CDC42BPB: variants seen among roughly 807,000 people sequenced by gnomAD.
CDC42BPB encodes serine/threonine-protein kinase MRCK beta.
CDC42BPB carries 37 observed loss-of-function variants against 214.9 expected under a neutral mutation model. The ratio of observed to expected loss-of-function variants is 0.17; its 90% CI spans 0.13 to 0.23. CDC42BPB has a LOEUF of 0.23. Among genes scored for constraint, CDC42BPB ranks in the 10% least tolerant of loss-of-function variants. The pLI is 1.00. For missense variants in CDC42BPB, 1,694 were observed against 2,227.0 expected, an observed-to-expected ratio of 0.76 and a Z score of 4.82; for synonymous variants, 931 against 884.0, an observed-to-expected ratio of 1.05 and a Z score of -0.94.
intron 2 of CDC42BPB, among the ~76,000 whole-genome samples, chr14:103,010,780 C>T (rs1886112057): frequency 6.6e-6 from 1 of 152,178 alleles, no homozygotes; most frequent in Non-Finnish European, 1.5e-5. Context: ...GCCTGTAATC[C>T]CAGCACTTTG....
At chr14:102,934,161 C>T (rs906157670) in intron 36 of CDC42BPB, 29 of 422,602 alleles carry the variant, frequency 6.9e-5, no homozygotes, top group Non-Finnish European at 9.1e-5. Context: ...CTTTGGGAGG[C>T]CAAGGTGGGT....
chr14:103,015,321 T>G, intron 1 of CDC42BPB, among the ~76,000 whole-genome samples: 1 of 152,126 alleles, frequency 6.6e-6, no homozygotes, highest in Non-Finnish European at 1.5e-5. Flanking sequence ...AATTTTGTAC[T>G]GGTGTATAAA....
chr14:102,932,675 G>GC lies in CDC42BPB; in HGVS notation c.*1036dup, dbSNP rs1566832182. 6.6e-6 allele frequency: 1 copy of GC among 152,396 alleles called. No individual in the cohort carries two copies. Among genetic ancestry groups the GC allele is most frequent in the Non-Finnish European group, 1.5e-5 (1 of 68,018 alleles). The allele number at this position is 152,396 out of a possible 1,614,324, so 9.4% of individuals were successfully genotyped here. A position where few individuals can be genotyped will look rare whatever the true frequency, so the allele number is the denominator to read the frequency against. Reference sequence around the variant, plus strand: ...AAGCTGTGGACAAGCTGTGTCTGCCGCCACAGTTAATCACAAGCCTCTGAC... The same window carrying GC: ...AAGCTGTGGACAAGCTGTGTCTGCCGCCCACAGTTAATCACAAGCCTCTGAC... On this transcript the variant is annotated 3_prime_UTR_variant, in exon 37 of 37. Transcript: ENST00000361246.
At chr14:102,980,124 A>C (rs1225886139) in intron 8 of CDC42BPB, among the ~76,000 whole-genome samples, 1 of 152,220 alleles carries the variant, frequency 6.6e-6, no homozygotes, top group Non-Finnish European at 1.5e-5. Flanking sequence ...GGTGTCTTTC[A>C]ACCTAAAAAA....
intron 30 of CDC42BPB, chr14:102,941,485 T>G: frequency 1.0e-6 from 1 of 985,398 alleles, no homozygotes; most frequent in Non-Finnish European, 1.2e-6. Flanking sequence ...GAAGGAGCAT[T>G]TCAGATGCAC....
At chr14:103,008,621 A>G in intron 2 of CDC42BPB, 66 bp from the exon 3 acceptor site, 1 of 1,588,728 alleles carries the variant, frequency 6.3e-7, no homozygotes, top group Non-Finnish European at 8.6e-7. Context: ...CGCTGGAGCT[A>G]AACTGTAGTG....
At position 103,042,048 on chromosome 14, in the gene CDC42BPB, A is replaced by G. The variant is rs577170355; in HGVS notation, c.175+14951T>C. 7 of 207,704 alleles carry G rather than the reference A, an allele frequency of 3.4e-5. No homozygotes were observed. The South Asian group carries it at 5.5e-4, about 16-fold the overall frequency. 12.9% of individuals were successfully genotyped at this position (207,704 alleles called of 1,614,324 possible). A position where few individuals can be genotyped will look rare whatever the true frequency, so the allele number is the denominator to read the frequency against. ...ACGCCCGGCTCTTTGGCATACCGGC[A>G]AAGAGACAAGGAAGCTGAAGAACAG... On this transcript the variant is annotated intron_variant, in intron 1 of 36. Transcript: ENST00000361246.
At chr14:102,993,830 G>A (rs530457372) in intron 5 of CDC42BPB, among the ~76,000 whole-genome samples, 12 of 152,262 alleles carry the variant, frequency 7.9e-5, no homozygotes, top group South Asian at 2.1e-4. Flanking sequence ...CCTGGCTGCC[G>A]GGAAGAAATG....
At chr14:102,935,244 A>T (rs1595440588) in intron 36 of CDC42BPB, among the ~76,000 whole-genome samples, 1 of 152,120 alleles carries the variant, frequency 6.6e-6, no homozygotes, top group Non-Finnish European at 1.5e-5. Context: ...AAAACTAATA[A>T]GCTCAGCAAA....
intron 1 of CDC42BPB, among the ~76,000 whole-genome samples, chr14:103,053,489 C>T (rs534087991): frequency 2.4e-3 from 365 of 151,552 alleles, no homozygotes; most frequent in Non-Finnish European, 4.2e-3. Context: ...CGGCCAGGCA[C>T]GGTGGCTCAC....
chr14:103,042,648 T>C (rs1056237312), intron 1 of CDC42BPB, among the ~76,000 whole-genome samples: 1 of 152,174 alleles, frequency 6.6e-6, no homozygotes, highest in Non-Finnish European at 1.5e-5. Flanking sequence ...AGAACTTGAA[T>C]AGACATTTAT....
In CDC42BPB at chr14:102,954,642, G is replaced by A. The variant is rs142167570; in HGVS notation, c.2948C>T (p.Ala983Val). 757 of 1,613,968 alleles carry A rather than the reference G, an allele frequency of 4.7e-4. 2 individuals are homozygous for A. Among genetic ancestry groups the A allele is most frequent in the African/African-American group, 3.1e-3 (233 of 75,042 alleles). ...TGCAGCCACAGACATCGACGGGGAC[G>A]CTTCTGGCTTCGGAGCTTGTGTTTC... is the stretch of plus-strand genomic sequence containing the variant. The part of the protein sequence containing the change: ...EQETQAPKPE[A>V]SPSMSVAASE... Residue 983 changes from alanine (A) to valine (V), a missense_variant, in exon 22 of 37, where the codon GCG (alanine) becomes GTG (valine). Transcript: ENST00000361246.
chr14:103,029,771 A>C (rs1046687564), intron 1 of CDC42BPB, among the ~76,000 whole-genome samples: 3 of 143,550 alleles, frequency 2.1e-5, no homozygotes, highest in Non-Finnish European at 4.5e-5. Flanking sequence ...ACGCAGGAGA[A>C]TTGCTTGAAC....
intron 1 of CDC42BPB, among the ~76,000 whole-genome samples, chr14:103,045,830 G>A (rs1888256151): frequency 6.6e-6 from 1 of 152,180 alleles, no homozygotes; most frequent in Admixed American, 6.5e-5. Context: ...CGAGCCTCAA[G>A]GACAACGTGA....
At chr14:103,053,464 A>G (rs1888728203) in intron 1 of CDC42BPB, among the ~76,000 whole-genome samples, 2 of 152,072 alleles carry the variant, frequency 1.3e-5, no homozygotes, top group Admixed American at 1.3e-4. Flanking sequence ...ACCTACAATG[A>G]AAGTTGAAAT....
At chr14:102,940,689 C>T (rs964189382) in intron 30 of CDC42BPB, 21 of 325,896 alleles carry the variant, frequency 6.4e-5, no homozygotes, top group Admixed American at 2.1e-4. Flanking sequence ...AGGTAGGGGC[C>T]GACTGTTCAG....
intron 1 of CDC42BPB, 135 bp downstream of exon 1, chr14:103,056,864 A>T (rs1276237653): frequency 3.8e-6 from 2 of 521,868 alleles, no homozygotes; most frequent in African/African-American, 2.4e-5. Context: ...GAGCGAGAGG[A>T]GGCGAAGCCC....
At chr14:103,040,897 G>A (rs761699103) in intron 1 of CDC42BPB, among the ~76,000 whole-genome samples, 14 of 152,136 alleles carry the variant, frequency 9.2e-5, no homozygotes, top group Non-Finnish European at 1.8e-4. Context: ...AATCCCAGCT[G>A]GCTTACTATT....
chr14:103,032,933 TAA>T (rs993368004), intron 1 of CDC42BPB, among the ~76,000 whole-genome samples: 15 of 141,264 alleles, frequency 1.1e-4, no homozygotes, highest in Admixed American at 1.4e-4. Flanking sequence ...CCACTTTTTT[TAA>T]AAAAAAAAAA....
Sources: allele counts gnomAD v4.1 joint callset (sites outside exome capture counted in the v4.1 genomes callset), GRCh38; gene constraint gnomAD v4.1.1; transcripts MANE v1.5; gene names NCBI Gene and HGNC (gene_info 2026-07-23, HGNC 2026-07-21).